Variants in RANBP17 observed in about 807,000 individuals in gnomAD.
RANBP17 encodes the protein ran-binding protein 17.
Under a neutral mutation model 141.2 loss-of-function variants are expected in RANBP17, and 158 were observed. That is an observed-to-expected ratio of 1.12 (90% confidence interval 0.98 to 1.28). The LOEUF (loss-of-function observed/expected upper bound fraction) is 1.28. Among genes scored for constraint, RANBP17 ranks in the 50% most tolerant of loss-of-function variants. RANBP17 has a pLI of 0.00. For missense variants in RANBP17, 1,438 were observed against 1,290.7 expected (o/e 1.11, Z -1.75); for synonymous variants, 430 against 450.0 (o/e 0.96, Z 0.56).
intron 14 of RANBP17, among the ~76,000 whole-genome samples, chr5:171,015,346 T>A (rs186084745): frequency 6.6e-6 from 1 of 152,260 alleles, no homozygotes; most frequent in African/African-American, 2.4e-5. Context: ...TTTCTGTATG[T>A]ACTTTACTTT....
At chr5:170,953,276 A>C (rs186908171) in intron 12 of RANBP17, among the ~76,000 whole-genome samples, 229 of 152,230 alleles carry the variant, frequency 1.5e-3, no homozygotes, top group African/African-American at 4.7e-3. Flanking sequence ...TCATGTCTTC[A>C]TGGTAGACAT....
At chr5:171,231,049 G>A (rs1340166101) in intron 22 of RANBP17, among the ~76,000 whole-genome samples, 2 of 150,392 alleles carry the variant, frequency 1.3e-5, no homozygotes, top group Non-Finnish European at 1.5e-5. Flanking sequence ...TTATCCTCCT[G>A]CCTCAACTTC....
chr5:171,025,106 T>G (rs1474840922), intron 14 of RANBP17, among the ~76,000 whole-genome samples: 1 of 152,194 alleles, frequency 6.6e-6, no homozygotes, highest in African/African-American at 2.4e-5. Flanking sequence ...TTCCCCCTTC[T>G]ATGTATTTGA....
At chr5:170,938,536 A>G (rs767735528) in intron 12 of RANBP17, among the ~76,000 whole-genome samples, 1 of 152,252 alleles carries the variant, frequency 6.6e-6, no homozygotes, top group Non-Finnish European at 1.5e-5. Flanking sequence ...GGATAGGAAT[A>G]TAAAGCAATT....
At chr5:171,005,120 T>C (rs1055977618) in intron 14 of RANBP17, among the ~76,000 whole-genome samples, 1 of 152,116 alleles carries the variant, frequency 6.6e-6, no homozygotes, top group African/African-American at 2.4e-5. Context: ...GGTGATAAAA[T>C]GCATATTAAG....
intron 1 of RANBP17, among the ~76,000 whole-genome samples, chr5:170,875,655 C>T (rs1833595): frequency 0.027 from 4,079 of 151,538 alleles, 169 homozygotes; most frequent in African/African-American, 0.093. Context: ...TCAGCTCCAT[C>T]GGGTTATTTA....
chr5:171,168,533 T>C (rs1191394826), intron 14 of RANBP17, among the ~76,000 whole-genome samples: 1 of 152,170 alleles, frequency 6.6e-6, no homozygotes, highest in African/African-American at 2.4e-5. Context: ...TTTGGCATCA[T>C]GGTGAGCTTA....
intron 14 of RANBP17, among the ~76,000 whole-genome samples, chr5:171,117,331 T>G (rs1302672480): frequency 2.6e-5 from 4 of 152,142 alleles, no homozygotes; most frequent in African/African-American, 9.7e-5. Context: ...CACCAGCATT[T>G]TTTTTGCTCT....
intron 14 of RANBP17, among the ~76,000 whole-genome samples, chr5:171,039,094 G>A (rs1388995406): frequency 1.3e-5 from 2 of 152,132 alleles, no homozygotes; most frequent in African/African-American, 4.8e-5. Context: ...TATATACCCA[G>A]TAATGGGATT....
At chr5:171,035,514 T>G (rs544714651) in intron 14 of RANBP17, among the ~76,000 whole-genome samples, 1 of 151,626 alleles carries the variant, frequency 6.6e-6, no homozygotes, top group South Asian at 2.1e-4. Flanking sequence ...CCCGATCATG[T>G]ATCTTTTGTG....
intron 24 of RANBP17, 115 bp from the exon 25 acceptor site, chr5:171,265,566 T>C (rs1766616551): frequency 1.0e-6 from 1 of 993,280 alleles, no homozygotes; most frequent in African/African-American, 1.6e-5. Context: ...GAACTTGCAA[T>C]TTGATAAAAG....
chr5:171,172,977 T>C (rs1760203368), intron 16 of RANBP17, among the ~76,000 whole-genome samples: 1 of 152,024 alleles, frequency 6.6e-6, no homozygotes, highest in Non-Finnish European at 1.5e-5. Context: ...AAAGCTATAA[T>C]ATTTTAAGCC....
intron 16 of RANBP17, among the ~76,000 whole-genome samples, chr5:171,178,797 T>C (rs1348869304): frequency 6.6e-6 from 1 of 152,226 alleles, no homozygotes; most frequent in African/African-American, 2.4e-5. Flanking sequence ...TTTCATATGG[T>C]TGTTGGCCAC....
At chr5:171,152,957 C>A (rs530921022) in intron 14 of RANBP17, among the ~76,000 whole-genome samples, 4 of 152,206 alleles carry the variant, frequency 2.6e-5, no homozygotes, top group Non-Finnish European at 5.9e-5. Flanking sequence ...CCTTCTAACT[C>A]TAAATCCATT....
At chr5:171,083,633 T>C (rs1785403162) in intron 14 of RANBP17, among the ~76,000 whole-genome samples, 1 of 152,162 alleles carries the variant, frequency 6.6e-6, no homozygotes, top group Non-Finnish European at 1.5e-5. Flanking sequence ...GCAAAACCTA[T>C]ATATGTGGAG....
intron 22 of RANBP17, among the ~76,000 whole-genome samples, chr5:171,231,399 T>C (rs1056186871): frequency 6.6e-6 from 1 of 152,218 alleles, no homozygotes; most frequent in Non-Finnish European, 1.5e-5. Context: ...CTTGGGAATT[T>C]ATAGAATCTT....
intron 14 of RANBP17, among the ~76,000 whole-genome samples, chr5:171,089,939 G>A (rs1396160440): frequency 6.6e-6 from 1 of 152,244 alleles, no homozygotes; most frequent in Non-Finnish European, 1.5e-5. Flanking sequence ...CACACTGGGA[G>A]CTGTAGACCG....
intron 13 of RANBP17, among the ~76,000 whole-genome samples, chr5:170,955,169 G>A (rs767478956): frequency 3.3e-5 from 5 of 152,044 alleles, no homozygotes; most frequent in Non-Finnish European, 7.4e-5. Context: ...CTGGTCCCTG[G>A]TGCCAAAAAG....
chr5:171,201,883 G>A (rs1452478815), intron 19 of RANBP17, among the ~76,000 whole-genome samples: 1 of 152,186 alleles, frequency 6.6e-6, no homozygotes, highest in African/African-American at 2.4e-5. Context: ...CATTTTGCAA[G>A]TACTAGAGAT....
Sources: allele counts gnomAD v4.1 joint callset (sites outside exome capture counted in the v4.1 genomes callset), GRCh38; gene constraint gnomAD v4.1.1; transcripts MANE v1.5; gene names NCBI Gene and HGNC (gene_info 2026-07-23, HGNC 2026-07-21).